Variants in SKAP2 observed in about 807,000 individuals in gnomAD.
SKAP2 encodes the protein src kinase-associated phosphoprotein 2.
A neutral mutation model predicts 54.9 loss-of-function variants in SKAP2; 28 were observed. The ratio of observed to expected loss-of-function variants is 0.51; its 90% CI spans 0.38 to 0.70. The LOEUF (loss-of-function observed/expected upper bound fraction) is 0.70. SKAP2 is among the 30% of genes least tolerant of loss of function. The pLI, the probability that SKAP2 is intolerant of heterozygous loss-of-function variation, is 0.00. For missense variants in SKAP2, 356 were observed against 424.1 expected (o/e 0.84, Z 1.41); for synonymous variants, 137 against 134.3 (o/e 1.02, Z -0.14).
rs540955607 is a variant in SKAP2, at chr7:26,725,906, C to T, written c.658+17G>A. Reference sequence around the variant, plus strand: ...TATTTAAAGACTGTGATAACTTGTTCGATTGATTTATCTTACCTTGCAATA... The same window carrying T: ...TATTTAAAGACTGTGATAACTTGTTTGATTGATTTATCTTACCTTGCAATA... On this transcript the variant is annotated intron_variant, in intron 8 of 12. Transcript: ENST00000345317. 2.0e-5 allele frequency: 32 copies of T among 1,589,356 alleles called. No homozygotes were observed. The highest frequency in any genetic ancestry group is 1.3e-4 in the East Asian group (6 of 44,690).
chr7:26,742,429 G>GGGAAAA (rs981171833), intron 4 of SKAP2: 4 of 152,082 alleles, frequency 2.6e-5, no homozygotes, highest in Non-Finnish European at 5.9e-5. Context: ...GAGGAAGTGG[G>GGGAAAA]GGAAAAGGAA....
intron 4 of SKAP2, among the ~76,000 whole-genome samples, chr7:26,838,445 C>T (rs181182734): frequency 7.8e-4 from 118 of 152,210 alleles, no homozygotes; most frequent in African/African-American, 2.7e-3. Context: ...AGCAATTACC[C>T]GGTTCAAACT....
At chr7:26,676,728 A>G (rs757493918) in intron 11 of SKAP2, among the ~76,000 whole-genome samples, 7 of 152,194 alleles carry the variant, frequency 4.6e-5, no homozygotes, top group African/African-American at 7.2e-5. Context: ...AAGAAGTTCA[A>G]AGTTTAGACA....
chr7:26,762,361 A>G (rs1782951543), intron 4 of SKAP2, among the ~76,000 whole-genome samples: 1 of 152,138 alleles, frequency 6.6e-6, no homozygotes, highest in Non-Finnish European at 1.5e-5. Flanking sequence ...TTTTTGTTCT[A>G]TTGCTAGCTG....
intron 4 of SKAP2, among the ~76,000 whole-genome samples, chr7:26,805,716 G>A (rs1306912816): frequency 1.3e-5 from 2 of 152,160 alleles, no homozygotes; most frequent in Admixed American, 6.5e-5. Flanking sequence ...AATTCTGACT[G>A]CAATTTCATG....
At chr7:26,698,951 T>G (rs1786961023) in intron 9 of SKAP2, among the ~76,000 whole-genome samples, 1 of 152,188 alleles carries the variant, frequency 6.6e-6, no homozygotes, top group South Asian at 2.1e-4. Context: ...ATAAACAAAA[T>G]GTGGGTTTTT....
intron 4 of SKAP2, among the ~76,000 whole-genome samples, chr7:26,825,075 C>T (rs1290116468): frequency 1.3e-5 from 2 of 152,110 alleles, no homozygotes; most frequent in Non-Finnish European, 2.9e-5. Context: ...CTCTTGAGTA[C>T]TTGATTTATT....
chr7:26,856,194 A>T (rs113203883), intron 1 of SKAP2, among the ~76,000 whole-genome samples: 2,584 of 94,824 alleles, frequency 0.027, 86 homozygotes, highest in African/African-American at 0.084. Flanking sequence ...GTAATAATTT[A>T]AAAAAAATAG....
the SKAP2 span, among the ~76,000 whole-genome samples, chr7:26,657,971 T>C: frequency 3.9e-5 from 6 of 152,126 alleles, no homozygotes; most frequent in Non-Finnish European, 5.9e-5. Context: ...AAGAAGCTAT[T>C]GCGGTCTTCC....
chr7:26,778,948 G>A (rs1783369620), intron 4 of SKAP2, among the ~76,000 whole-genome samples: 1 of 151,936 alleles, frequency 6.6e-6, no homozygotes, highest in African/African-American at 2.4e-5. Flanking sequence ...TGTAATGTCT[G>A]CTTTAATAGC....
At chr7:26,821,641 A>G (rs1784385512) in intron 4 of SKAP2, among the ~76,000 whole-genome samples, 2 of 152,166 alleles carry the variant, frequency 1.3e-5, no homozygotes, top group African/African-American at 4.8e-5. Context: ...TGGATTCTCA[A>G]TACTCCTTCA....
chr7:26,848,435 C>T (rs1038346310), intron 3 of SKAP2, among the ~76,000 whole-genome samples: 1 of 152,112 alleles, frequency 6.6e-6, no homozygotes, highest in African/African-American at 2.4e-5. Flanking sequence ...TCAATGTACG[C>T]AAACTTTAGT....
At chr7:26,784,883 A>G (rs1381577673) in intron 4 of SKAP2, among the ~76,000 whole-genome samples, 1 of 152,152 alleles carries the variant, frequency 6.6e-6, no homozygotes, top group Non-Finnish European at 1.5e-5. Flanking sequence ...GCATCAAAAA[A>G]CTGTAAATAA....
At chr7:26,808,924 ACAAAAG>A (rs995471055) in intron 4 of SKAP2, among the ~76,000 whole-genome samples, 55 of 152,368 alleles carry the variant, frequency 3.6e-4, no homozygotes, top group African/African-American at 1.3e-3. Flanking sequence ...AGCACAGGTA[ACAAAAG>A]CAAAAGTTGG....
intron 4 of SKAP2, among the ~76,000 whole-genome samples, chr7:26,819,002 A>G (rs757520725): frequency 6.6e-6 from 1 of 152,172 alleles, no homozygotes; most frequent in Non-Finnish European, 1.5e-5. Context: ...ACCATTGTGG[A>G]AGACAGTATG....
chr7:26,709,219 G>A (rs1021286669), intron 9 of SKAP2, among the ~76,000 whole-genome samples: 2 of 152,108 alleles, frequency 1.3e-5, no homozygotes, highest in Non-Finnish European at 2.9e-5. Context: ...TGAGAAGTAA[G>A]GTAGTTTCTG....
rs149417391 is a variant in SKAP2, at chr7:26,702,644, A to G, written c.797-12282T>C. On this transcript the variant is annotated intron_variant, in intron 9 of 12. Coordinates refer to ENST00000345317, the MANE Select transcript of SKAP2 (RefSeq NM_003930.5). ...TCAGTAAGAAACTGAGGGTGGGGAG[A>G]GAGTCACACTCAGTCTTACTCCCTT... Among the ~76,000 whole-genome samples, 972 of 152,176 alleles carry G rather than the reference A, an allele frequency of 6.4e-3. 8 individuals carry two copies. Among genetic ancestry groups the G allele is most frequent in the African/African-American group, 0.022 (930 of 41,498 alleles).
intron 4 of SKAP2, among the ~76,000 whole-genome samples, chr7:26,823,844 A>G (rs933783015): frequency 9.9e-5 from 15 of 152,194 alleles, no homozygotes; most frequent in Non-Finnish European, 2.9e-5. Context: ...CTCATGATAA[A>G]ACTTGAAGGG....
At chr7:26,851,662 A>G (rs996205056) in intron 3 of SKAP2, among the ~76,000 whole-genome samples, 1 of 151,770 alleles carries the variant, frequency 6.6e-6, no homozygotes, top group Non-Finnish European at 1.5e-5. Flanking sequence ...ACATGTATAC[A>G]TATGTAACAA....
Sources: gnomAD v4.1 joint callset for allele counts (sites outside exome capture counted in the v4.1 genomes callset) on GRCh38, gnomAD v4.1.1 for gene constraint, MANE v1.5 for transcripts, NCBI Gene and HGNC (gene_info 2026-07-23, HGNC 2026-07-21) for gene names.